Variants in CDH13 observed in about 807,000 individuals in gnomAD.
The protein encoded by CDH13 is cadherin-13.
CDH13 carries 24 observed loss-of-function variants against 63.8 expected under a neutral mutation model. The ratio of observed to expected loss-of-function variants is 0.38; its 90% CI spans 0.27 to 0.53. CDH13 has a LOEUF of 0.53. Among genes scored for constraint, CDH13 ranks in the 20% least tolerant of loss-of-function variants. CDH13 has a pLI of 0.85. For synonymous variants in CDH13, 503 were observed against 355.3 expected (o/e 1.42, Z -4.67); for missense variants, 1,049 against 903.1 (o/e 1.16, Z -2.07).
chr16:82,958,301 G>T (rs566895110), intron 2 of CDH13, among the ~76,000 whole-genome samples: 44 of 152,256 alleles, frequency 2.9e-4, no homozygotes, highest in African/African-American at 1.0e-3. Flanking sequence ...CTGATATATC[G>T]TTCATGCTTG....
At chr16:83,605,566 A>T (rs1046919722) in intron 8 of CDH13, among the ~76,000 whole-genome samples, 1 of 152,200 alleles carries the variant, frequency 6.6e-6, no homozygotes, top group Non-Finnish European at 1.5e-5. Flanking sequence ...TCATTAGGTC[A>T]TTGTGAATGA....
intron 1 of CDH13, among the ~76,000 whole-genome samples, chr16:82,853,475 A>G (rs2039573163): frequency 6.6e-6 from 1 of 152,196 alleles, no homozygotes; most frequent in South Asian, 2.1e-4. Flanking sequence ...GGCTCTTTAC[A>G]ATAATTAACT....
At chr16:83,658,548 C>T (rs200568465) in intron 8 of CDH13, among the ~76,000 whole-genome samples, 2,918 of 123,974 alleles carry the variant, frequency 0.024, no homozygotes, top group East Asian at 0.054. Flanking sequence ...CAGCAAGGTC[C>T]CATATCCTCA....
At chr16:83,598,457 C>T (rs7185661) in intron 7 of CDH13, among the ~76,000 whole-genome samples, 78,531 of 152,014 alleles carry the variant, frequency 0.52, 22,861 homozygotes, top group African/African-American at 0.8. Flanking sequence ...AAAGAGAAAA[C>T]GATGTATTCA....
intron 5 of CDH13, among the ~76,000 whole-genome samples, chr16:83,259,995 G>A (rs1299443854): frequency 5.3e-5 from 8 of 151,678 alleles, no homozygotes. Context: ...TGGCTCTCTC[G>A]GAAGAATTTC....
At chr16:83,472,834 T>G (rs561307248) in intron 6 of CDH13, among the ~76,000 whole-genome samples, 1 of 152,354 alleles carries the variant, frequency 6.6e-6, no homozygotes, top group East Asian at 1.9e-4. Context: ...TGGCCCTGTT[T>G]CATTCAGAGG....
intron 3 of CDH13, among the ~76,000 whole-genome samples, chr16:83,046,767 C>T (rs1453163674): frequency 6.6e-6 from 1 of 152,190 alleles, no homozygotes; most frequent in African/African-American, 2.4e-5. Context: ...AGGCTGCCTT[C>T]AGTTGGCCTG....
intron 2 of CDH13, among the ~76,000 whole-genome samples, chr16:82,949,727 A>C (rs541532284): frequency 6.6e-6 from 1 of 152,238 alleles, no homozygotes; most frequent in Non-Finnish European, 1.5e-5. Context: ...TGTCTGGAAA[A>C]GAATGTTCTC....
chr16:83,091,714 T>C (rs923415227), intron 3 of CDH13, among the ~76,000 whole-genome samples: 8 of 152,240 alleles, frequency 5.3e-5, no homozygotes, highest in African/African-American at 1.7e-4. Context: ...GCTAGGGTAT[T>C]CACTTCATAA....
At chr16:83,150,779 G>A (rs1382970248) in intron 4 of CDH13, among the ~76,000 whole-genome samples, 1 of 152,182 alleles carries the variant, frequency 6.6e-6, no homozygotes, top group Admixed American at 6.5e-5. Context: ...GCTTGATGAG[G>A]AATGCTTGAG....
chr16:83,291,536 C>T (rs1243573716), intron 5 of CDH13, among the ~76,000 whole-genome samples: 1 of 151,886 alleles, frequency 6.6e-6, no homozygotes, highest in Non-Finnish European at 1.5e-5. Flanking sequence ...ATAGCATTTG[C>T]GTTTTCATAT....
chr16:82,692,044 C>G (rs1217200190), intron 1 of CDH13, among the ~76,000 whole-genome samples: 2 of 152,192 alleles, frequency 1.3e-5, no homozygotes, highest in Non-Finnish European at 2.9e-5. Flanking sequence ...AGTTCTGTCA[C>G]TTTTAGGGGA....
intron 1 of CDH13, among the ~76,000 whole-genome samples, chr16:82,695,667 A>G (rs1381324254): frequency 2.0e-5 from 3 of 152,200 alleles, no homozygotes; most frequent in Admixed American, 2.0e-4. Context: ...ACCTCAGTCA[A>G]AGCCCCTATC....
chr16:82,707,007 A>T (rs1322760154), intron 1 of CDH13, among the ~76,000 whole-genome samples: 2 of 152,210 alleles, frequency 1.3e-5, no homozygotes, highest in East Asian at 3.9e-4. Context: ...AAGGAAAAGG[A>T]TAGTTAAATC....
intron 7 of CDH13, among the ~76,000 whole-genome samples, chr16:83,509,886 G>C (rs978804415): frequency 6.6e-6 from 1 of 152,206 alleles, no homozygotes; most frequent in Admixed American, 6.5e-5. Flanking sequence ...AGCTCAGAGA[G>C]GGTAGATGAC....
intron 2 of CDH13, among the ~76,000 whole-genome samples, chr16:82,903,045 T>C (rs1025967222): frequency 6.6e-6 from 1 of 152,218 alleles, no homozygotes; most frequent in Admixed American, 6.5e-5. Flanking sequence ...CTTTGAATCC[T>C]TACAACAACT....
chr16:83,280,712 T>C (rs118085936), intron 5 of CDH13, among the ~76,000 whole-genome samples: 5,512 of 152,296 alleles, frequency 0.036, 132 homozygotes, highest in Non-Finnish European at 0.056. Context: ...TCATAAGCTA[T>C]AGTTTTACAA....
chr16:83,297,637 G>A (rs557183590), intron 5 of CDH13, among the ~76,000 whole-genome samples: 1 of 152,144 alleles, frequency 6.6e-6, no homozygotes, highest in Non-Finnish European at 1.5e-5. Flanking sequence ...GTTGGAAAGA[G>A]TCCTTGATAT....
intron 5 of CDH13, among the ~76,000 whole-genome samples, chr16:83,218,729 A>T (rs1271144831): frequency 6.6e-6 from 1 of 152,178 alleles, no homozygotes; most frequent in Admixed American, 6.5e-5. Context: ...GAGCTGTGGG[A>T]TCTGATATGG....
Sources: allele counts gnomAD v4.1 joint callset (sites outside exome capture counted in the v4.1 genomes callset), GRCh38; gene constraint gnomAD v4.1.1; transcripts MANE v1.5; gene names NCBI Gene and HGNC (gene_info 2026-07-23, HGNC 2026-07-21).